DGKI: variants seen among roughly 807,000 people sequenced by gnomAD.
The protein encoded by DGKI is diacylglycerol kinase iota.
A neutral mutation model predicts 147.5 loss-of-function variants in DGKI; 55 were observed. That is an observed-to-expected ratio of 0.37 (90% CI 0.30 to 0.47). DGKI has a LOEUF of 0.47. DGKI is among the 20% of genes least tolerant of loss of function. The probability of loss-of-function intolerance (pLI) is 1.00; values close to 1 mark genes in which losing one functional copy is unlikely to be tolerated. For synonymous variants in DGKI, 469 were observed against 477.1 expected (o/e 0.98, Z 0.22); for missense variants, 1,007 against 1,323.8 (o/e 0.76, Z 3.71).
chr7:137,595,547 C>T (rs1490070298), intron 12 of DGKI, among the ~76,000 whole-genome samples: 2 of 152,106 alleles, frequency 1.3e-5, no homozygotes, highest in African/African-American at 2.4e-5. Flanking sequence ...ACTTTGGCTC[C>T]GGACCCATAA....
chr7:137,655,026 T>A lies in DGKI; in HGVS notation c.682-238A>T, dbSNP rs547661379. ...CATTCTCACAAATCAAATCTAAGTA[T>A]CTTTAAACGATAATGCTCTTACACC... On this transcript the variant is annotated intron_variant, in intron 4 of 32. Coordinates refer to ENST00000614521, the MANE Select transcript of DGKI (RefSeq NM_001321708.2). Among the ~76,000 whole-genome samples, 6 of 152,274 alleles carry A rather than the reference T, an allele frequency of 3.9e-5. No homozygotes were observed. The South Asian group carries it at 1.2e-3, about 32-fold the overall frequency.
At chr7:137,641,164 C>A (rs930897978) in intron 6 of DGKI, among the ~76,000 whole-genome samples, 2 of 152,102 alleles carry the variant, frequency 1.3e-5, no homozygotes, top group African/African-American at 4.8e-5. Flanking sequence ...TGCCTGTCAC[C>A]ATCCACATAA....
intron 19 of DGKI, among the ~76,000 whole-genome samples, chr7:137,567,264 CAAAA>C (rs3083517): frequency 2.4e-5 from 3 of 124,670 alleles, no homozygotes; most frequent in Non-Finnish European, 5.3e-5. Context: ...AACTCCATCT[CAAAA>C]AAAAAAAAAA....
At chr7:137,492,718 G>A (rs115667945) in intron 21 of DGKI, among the ~76,000 whole-genome samples, 74 of 152,214 alleles carry the variant, frequency 4.9e-4, no homozygotes, top group African/African-American at 1.6e-3. Context: ...TCCCCAAGGC[G>A]TCCCATGCTC....
chr7:137,491,664 G>A (rs540237594), intron 21 of DGKI, among the ~76,000 whole-genome samples: 1 of 152,258 alleles, frequency 6.6e-6, no homozygotes, highest in South Asian at 2.1e-4. Context: ...ACAAAACATA[G>A]TGCTTGTGGT....
intron 17 of DGKI, among the ~76,000 whole-genome samples, chr7:137,573,286 C>T (rs1251307793): frequency 6.6e-6 from 1 of 152,140 alleles, no homozygotes; most frequent in Non-Finnish European, 1.5e-5. Flanking sequence ...GATTTATTTT[C>T]TTCGTTTTTT....
intron 28 of DGKI, among the ~76,000 whole-genome samples, chr7:137,424,227 C>T (rs980375190): frequency 6.6e-6 from 1 of 152,196 alleles, no homozygotes; most frequent in Middle Eastern, 3.4e-3. Context: ...CTGAAGCATG[C>T]CCAAGACATA....
chr7:137,527,138 A>G (rs752683762), intron 20 of DGKI, among the ~76,000 whole-genome samples: 2 of 152,208 alleles, frequency 1.3e-5, no homozygotes, highest in Non-Finnish European at 2.9e-5. Context: ...CCATTTTGTG[A>G]TCTGAAAATG....
At chr7:137,409,321 T>A (rs930259853) in intron 29 of DGKI, among the ~76,000 whole-genome samples, 1 of 152,228 alleles carries the variant, frequency 6.6e-6, no homozygotes, top group African/African-American at 2.4e-5. Flanking sequence ...ATGTGCTAGA[T>A]GCCAGGAAGA....
intron 21 of DGKI, among the ~76,000 whole-genome samples, chr7:137,497,151 C>A: frequency 6.7e-6 from 1 of 149,798 alleles, no homozygotes. Context: ...AGACATATTT[C>A]AAAAGAAGAC....
At chr7:137,588,755 C>T (rs1294720012) in intron 12 of DGKI, among the ~76,000 whole-genome samples, 2 of 152,138 alleles carry the variant, frequency 1.3e-5, no homozygotes, top group Non-Finnish European at 2.9e-5. Context: ...GGATTACAGG[C>T]GTGAGCCACC....
At chr7:137,649,229 G>A (rs1404672302) in intron 5 of DGKI, among the ~76,000 whole-genome samples, 6 of 152,030 alleles carry the variant, frequency 3.9e-5, no homozygotes, top group South Asian at 2.1e-4. Flanking sequence ...TGCCTTCATC[G>A]ATAAGGAAAA....
At chr7:137,776,091 T>C (rs913520245) in intron 1 of DGKI, among the ~76,000 whole-genome samples, 1 of 152,080 alleles carries the variant, frequency 6.6e-6, no homozygotes, top group Non-Finnish European at 1.5e-5. Flanking sequence ...CTCCTGACCT[T>C]AGGTGATCCA....
intron 28 of DGKI, among the ~76,000 whole-genome samples, chr7:137,417,442 C>T (rs114691491): frequency 6.8e-4 from 104 of 152,268 alleles, no homozygotes; most frequent in African/African-American, 2.4e-3. Context: ...AGTACACATA[C>T]CAACACAGAA....
intron 1 of DGKI, among the ~76,000 whole-genome samples, chr7:137,824,212 G>T (rs995700480): frequency 6.6e-6 from 1 of 152,162 alleles, no homozygotes; most frequent in Non-Finnish European, 1.5e-5. Context: ...AAGTATGGGA[G>T]AGACTTTGAA....
chr7:137,727,995 TA>T (rs1191539760), intron 1 of DGKI, among the ~76,000 whole-genome samples: 6 of 152,072 alleles, frequency 3.9e-5, no homozygotes, highest in Admixed American at 3.9e-4. Flanking sequence ...ATTTAGTGAA[TA>T]AAAAATTTAC....
intron 10 of DGKI, among the ~76,000 whole-genome samples, chr7:137,602,364 C>T (rs1001998133): frequency 2.6e-5 from 4 of 152,084 alleles, no homozygotes; most frequent in African/African-American, 7.2e-5. Context: ...CTAAAAGGTC[C>T]GAGTGGCCAC....
At chr7:137,685,636 C>T (rs1823390434) in intron 2 of DGKI, among the ~76,000 whole-genome samples, 1 of 152,152 alleles carries the variant, frequency 6.6e-6, no homozygotes, top group South Asian at 2.1e-4. Flanking sequence ...TACTTCCTTC[C>T]TTTCTAGTAA....
chr7:137,682,020 T>C (rs1210750771), intron 2 of DGKI, among the ~76,000 whole-genome samples: 3 of 152,244 alleles, frequency 2.0e-5, no homozygotes, highest in African/African-American at 7.2e-5. Flanking sequence ...ACATGGTTGC[T>C]GGGAGAAGTT....
Sources: allele counts gnomAD v4.1 joint callset (sites outside exome capture counted in the v4.1 genomes callset), GRCh38; gene constraint gnomAD v4.1.1; transcripts MANE v1.5; gene names NCBI Gene and HGNC (gene_info 2026-07-23, HGNC 2026-07-21).